SLC4A4: variants seen among roughly 807,000 people sequenced by gnomAD.
The protein encoded by SLC4A4 is electrogenic sodium bicarbonate cotransporter 1.
A neutral mutation model predicts 111.5 loss-of-function variants in SLC4A4; 27 were observed. That is an observed-to-expected ratio of 0.24 (90% confidence interval 0.18 to 0.33). The LOEUF (loss-of-function observed/expected upper bound fraction) is 0.33, where lower values mean the gene tolerates loss of function less well. Among genes scored for constraint, SLC4A4 ranks in the 10% least tolerant of loss-of-function variants. The pLI, the probability that SLC4A4 is intolerant of heterozygous loss-of-function variation, is 1.00. For synonymous variants in SLC4A4, 443 were observed against 463.4 expected, an observed-to-expected ratio of 0.96 and a Z score of 0.57; for missense variants, 909 against 1,315.5, an observed-to-expected ratio of 0.69 and a Z score of 4.78.
At chr4:71,411,069 A>G (rs550075572) in intron 7 of SLC4A4, among the ~76,000 whole-genome samples, 12 of 152,156 alleles carry the variant, frequency 7.9e-5, no homozygotes, top group Non-Finnish European at 1.5e-4. Flanking sequence ...TTCGATGACT[A>G]CCTGTTGCCT....
intron 3 of SLC4A4, among the ~76,000 whole-genome samples, chr4:71,260,914 A>C (rs1006460125): frequency 6.6e-6 from 1 of 152,206 alleles, no homozygotes; most frequent in African/African-American, 2.4e-5. Context: ...AGTTACTATG[A>C]TTGCCTTCTT....
intron 3 of SLC4A4, among the ~76,000 whole-genome samples, chr4:71,257,624 C>T (rs527955059): frequency 1.6e-4 from 24 of 152,232 alleles, no homozygotes; most frequent in African/African-American, 5.5e-4. Context: ...GAAATACTTG[C>T]CTACTATACT....
At chr4:71,552,898 TA>T (rs1208733151) in intron 20 of SLC4A4, among the ~76,000 whole-genome samples, 2 of 151,876 alleles carry the variant, frequency 1.3e-5, no homozygotes, top group Non-Finnish European at 2.9e-5. Context: ...TCCATCTTCT[TA>T]AAATGCATCT....
intron 2 of SLC4A4, among the ~76,000 whole-genome samples, chr4:71,109,092 T>A (rs1356436897): frequency 6.6e-6 from 1 of 152,198 alleles, no homozygotes; most frequent in Non-Finnish European, 1.5e-5. Context: ...TTGACTCTAA[T>A]AATGTGATGT....
intron 13 of SLC4A4, among the ~76,000 whole-genome samples, chr4:71,470,255 C>T (rs6840014): frequency 0.27 from 40,545 of 151,624 alleles, 7,538 homozygotes; most frequent in East Asian, 0.59. Context: ...GTTCCGGACA[C>T]AAAGCAAACT....
rs531006047 is a variant in SLC4A4, at chr4:71,484,775, C to A, written c.1904-2173C>A. On this transcript the variant is annotated intron_variant, in intron 14 of 25. Transcript: ENST00000264485. ...TATGGCCATTTTAACAATATTGATT[C>A]GTCTTATCCATGAGTGTAGAATGTT... is the stretch of plus-strand genomic sequence containing the variant. Among the ~76,000 whole-genome samples, 5 of 151,660 alleles carry A rather than the reference C, an allele frequency of 3.3e-5. 1 individual carries two copies. Among genetic ancestry groups the A allele is most frequent in the Admixed American group, 2.0e-4 (3 of 15,194 alleles).
intron 1 of SLC4A4, among the ~76,000 whole-genome samples, chr4:71,065,099 C>T (rs1056866834): frequency 1.1e-4 from 16 of 152,114 alleles, no homozygotes; most frequent in Admixed American, 1.0e-3. Context: ...TCAAAGCTGT[C>T]TGTATATAGT....
chr4:71,081,868 G>A (rs1462317910), intron 1 of SLC4A4, among the ~76,000 whole-genome samples: 1 of 152,038 alleles, frequency 6.6e-6, no homozygotes, highest in African/African-American at 2.4e-5. Flanking sequence ...GAAGGCTTGT[G>A]CCCCAAAGTT....
intron 12 of SLC4A4, among the ~76,000 whole-genome samples, chr4:71,465,777 A>G (rs1727253777): frequency 6.6e-6 from 1 of 152,046 alleles, no homozygotes; most frequent in Non-Finnish European, 1.5e-5. Flanking sequence ...AAATGTGGCC[A>G]TAAAAGACTA....
chr4:71,122,765 T>C (rs1743468247), intron 2 of SLC4A4, among the ~76,000 whole-genome samples: 1 of 152,138 alleles, frequency 6.6e-6, no homozygotes, highest in Non-Finnish European at 1.5e-5. Flanking sequence ...CGGCATCTCC[T>C]TGCCTACCCA....
chr4:71,516,266 T>G (rs1442074990), intron 16 of SLC4A4, among the ~76,000 whole-genome samples: 1 of 151,560 alleles, frequency 6.6e-6, no homozygotes, highest in Non-Finnish European at 1.5e-5. Flanking sequence ...CGGCTAATTT[T>G]TTTTGTATTT....
At position 71,404,620 on chromosome 4, in the gene SLC4A4, A is replaced by G. The variant is rs756270115; in HGVS notation, c.807+6967A>G. On this transcript the variant is annotated intron_variant, in intron 7 of 25. Coordinates refer to ENST00000264485, the MANE Select transcript of SLC4A4 (RefSeq NM_001098484.3). ...CAACAATAATCTTTGATGGACGTAT[A>G]CTCTCACATCACAAGTTACTTACAT... 5.2e-4 allele frequency among the ~76,000 whole-genome samples: 79 copies of G among 152,136 alleles called. 1 individual carries two copies. The highest frequency in any genetic ancestry group is 2.1e-4 in the Non-Finnish European group (14 of 68,026).
intron 6 of SLC4A4, among the ~76,000 whole-genome samples, chr4:71,373,004 TAAAC>T (rs1255798485): frequency 3.9e-5 from 6 of 152,216 alleles, no homozygotes; most frequent in Non-Finnish European, 5.9e-5. Flanking sequence ...TTTCTGGAAT[TAAAC>T]AATTCAAAAT....
chr4:71,307,201 G>C (rs1725757912), intron 3 of SLC4A4, among the ~76,000 whole-genome samples: 1 of 152,160 alleles, frequency 6.6e-6, no homozygotes, highest in African/African-American at 2.4e-5. Context: ...TTAATTATAA[G>C]GAACTTACTA....
chr4:71,393,824 A>G (rs1305823228), intron 6 of SLC4A4, among the ~76,000 whole-genome samples: 4 of 152,230 alleles, frequency 2.6e-5, no homozygotes, highest in African/African-American at 9.6e-5. Flanking sequence ...CACATAGACC[A>G]ATGGAACAGA....
chr4:71,302,867 G>T (rs1412228148), intron 3 of SLC4A4, among the ~76,000 whole-genome samples: 1 of 152,184 alleles, frequency 6.6e-6, no homozygotes, highest in African/African-American at 2.4e-5. Context: ...AAACATCAAA[G>T]TCTATACTCT....
intron 2 of SLC4A4, among the ~76,000 whole-genome samples, chr4:71,253,744 A>T (rs1721243487): frequency 1.3e-5 from 2 of 152,188 alleles, no homozygotes; most frequent in African/African-American, 2.4e-5. Flanking sequence ...CATGATAGAT[A>T]CACTTCTCAC....
intron 16 of SLC4A4, among the ~76,000 whole-genome samples, chr4:71,523,479 C>A (rs1173318613): frequency 6.6e-6 from 1 of 152,068 alleles, no homozygotes; most frequent in African/African-American, 2.4e-5. Flanking sequence ...AAAACACAGT[C>A]GACCTGAATT....
At chr4:71,539,993 G>A (rs1386610444) in intron 18 of SLC4A4, among the ~76,000 whole-genome samples, 2 of 152,172 alleles carry the variant, frequency 1.3e-5, no homozygotes, top group Non-Finnish European at 2.9e-5. Flanking sequence ...TCACTGCAGG[G>A]AGTTTTTGTG....
Sources: gnomAD v4.1 joint callset for allele counts (sites outside exome capture counted in the v4.1 genomes callset) on GRCh38, gnomAD v4.1.1 for gene constraint, MANE v1.5 for transcripts, NCBI Gene and HGNC (gene_info 2026-07-23, HGNC 2026-07-21) for gene names.